The following BNC2 variants were observed in gnomAD, a reference collection of about 807,000 sequenced individuals.
BNC2 encodes basonuclin zinc finger protein 2, also known as zinc finger protein basonuclin-2.
BNC2 carries 20 observed loss-of-function variants against 76.3 expected under a neutral mutation model. The observed-to-expected ratio is 0.26, with a 90% confidence interval of 0.18 to 0.38. The LOEUF is 0.38. Among genes scored for constraint, BNC2 ranks in the 10% least tolerant of loss-of-function variants. The pLI, the probability that BNC2 is intolerant of heterozygous loss-of-function variation, is 1.00. For synonymous variants in BNC2, 582 were observed against 514.8 expected (o/e 1.13, Z -1.77); for missense variants, 1,382 against 1,399.8 (o/e 0.99, Z 0.20).
intron 1 of BNC2, among the ~76,000 whole-genome samples, chr9:16,746,363 TTTTG>T (rs1337506651): frequency 1.3e-5 from 2 of 151,982 alleles, no homozygotes; most frequent in African/African-American, 4.8e-5. Flanking sequence ...CGTTTTTGTT[TTTTG>T]TTTGTTTGCT....
At chr9:16,612,558 A>T (rs1464068417) in intron 3 of BNC2, among the ~76,000 whole-genome samples, 1 of 152,224 alleles carries the variant, frequency 6.6e-6, no homozygotes, top group Non-Finnish European at 1.5e-5. Context: ...TTGTGGCCCC[A>T]TCAATTCAAT....
At chr9:16,760,852 AAAT>A (rs1442504732) in intron 1 of BNC2, among the ~76,000 whole-genome samples, 5 of 152,186 alleles carry the variant, frequency 3.3e-5, no homozygotes, top group Admixed American at 3.3e-4. Context: ...ACAGGGGAAA[AAAT>A]AATGAGTGCT....
intron 2 of BNC2, among the ~76,000 whole-genome samples, chr9:16,737,816 T>C (rs1167600956): frequency 6.6e-6 from 1 of 152,124 alleles, no homozygotes; most frequent in Non-Finnish European, 1.5e-5. Context: ...GTGATTGGCT[T>C]TGATGGAGAA....
intron 1 of BNC2, among the ~76,000 whole-genome samples, chr9:16,824,049 A>G (rs1818399698): frequency 6.6e-6 from 1 of 152,228 alleles, no homozygotes; most frequent in South Asian, 2.1e-4. Flanking sequence ...GTGAGAATCT[A>G]AAACTAATTC....
intron 1 of BNC2, among the ~76,000 whole-genome samples, chr9:16,836,185 G>A (rs1302478958): frequency 1.3e-5 from 2 of 152,138 alleles, no homozygotes; most frequent in South Asian, 2.1e-4. Context: ...GAAGACCAAC[G>A]GCATGGCTTC....
chr9:16,735,874 A>C (rs1824652399), intron 2 of BNC2, among the ~76,000 whole-genome samples: 1 of 152,078 alleles, frequency 6.6e-6, no homozygotes, highest in African/African-American at 2.4e-5. Flanking sequence ...GCCTCAGTAA[A>C]GGTGTCATAA....
chr9:16,869,343 C>T (rs989205224), intron 1 of BNC2, among the ~76,000 whole-genome samples: 2 of 152,110 alleles, frequency 1.3e-5, no homozygotes, highest in African/African-American at 4.8e-5. Context: ...CATCATAAAT[C>T]GCACGCTGCT....
intron 4 of BNC2, among the ~76,000 whole-genome samples, chr9:16,574,863 C>T (rs1587189786): frequency 6.6e-6 from 1 of 152,124 alleles, no homozygotes; most frequent in African/African-American, 2.4e-5. Context: ...CCGAATTTCT[C>T]GATGAAATAA....
intron 3 of BNC2, among the ~76,000 whole-genome samples, chr9:16,649,694 G>A (rs1821738322): frequency 6.6e-6 from 1 of 152,100 alleles, no homozygotes; most frequent in Non-Finnish European, 1.5e-5. Context: ...ATAAGAGAAA[G>A]GCATCTATTT....
intron 1 of BNC2, among the ~76,000 whole-genome samples, chr9:16,809,024 T>C (rs2135823358): frequency 6.6e-6 from 1 of 152,300 alleles, no homozygotes; most frequent in South Asian, 2.1e-4. Context: ...AACAGCTCAT[T>C]CACAGACTTG....
chr9:16,845,217 C>A (rs938494615), intron 1 of BNC2, among the ~76,000 whole-genome samples: 1 of 152,132 alleles, frequency 6.6e-6, no homozygotes, highest in Non-Finnish European at 1.5e-5. Context: ...ATTCTTAAAA[C>A]CAAACATACC....
intron 3 of BNC2, among the ~76,000 whole-genome samples, chr9:16,595,566 T>C (rs974075882): frequency 6.6e-6 from 1 of 152,130 alleles, no homozygotes; most frequent in Non-Finnish European, 1.5e-5. Context: ...ACAAATACAA[T>C]GTTACCATTT....
At chr9:16,856,359 G>A (rs951892761) in intron 1 of BNC2, among the ~76,000 whole-genome samples, 3 of 152,048 alleles carry the variant, frequency 2.0e-5, no homozygotes, top group East Asian at 1.9e-4. Flanking sequence ...TCATGTCAGC[G>A]ACTGGTTGCT....
chr9:16,425,993 G>T (rs1301551517), intron 6 of BNC2, among the ~76,000 whole-genome samples: 1 of 152,212 alleles, frequency 6.6e-6, no homozygotes, highest in Non-Finnish European at 1.5e-5. Context: ...TTATTCAATA[G>T]GTACCTGTTG....
intron 1 of BNC2, among the ~76,000 whole-genome samples, chr9:16,829,034 A>G (rs1329372439): frequency 1.3e-5 from 2 of 152,148 alleles, no homozygotes; most frequent in Non-Finnish European, 2.9e-5. Context: ...GAGGCGAGCC[A>G]GGAGCCGGCA....
chr9:16,791,265 G>A (rs1303735559), intron 1 of BNC2, among the ~76,000 whole-genome samples: 3 of 152,016 alleles, frequency 2.0e-5, no homozygotes, highest in African/African-American at 4.8e-5. Context: ...GTTTCACCAT[G>A]TTAGCCAGGA....
intron 3 of BNC2, among the ~76,000 whole-genome samples, chr9:16,686,313 C>A (rs1822976950): frequency 1.3e-5 from 2 of 152,094 alleles, no homozygotes; most frequent in Admixed American, 6.5e-5. Context: ...CCACTAAGAT[C>A]CCTTTTTAAA....
At chr9:16,540,689 T>A (rs1361457922) in intron 5 of BNC2, among the ~76,000 whole-genome samples, 1 of 152,188 alleles carries the variant, frequency 6.6e-6, no homozygotes, top group Non-Finnish European at 1.5e-5. Context: ...AAAGGAGGCT[T>A]CAGTAAGTCG....
intron 4 of BNC2, among the ~76,000 whole-genome samples, chr9:16,579,259 T>C (rs1458325612): frequency 6.6e-6 from 1 of 151,428 alleles, no homozygotes; most frequent in Non-Finnish European, 1.5e-5. Context: ...TGCAGTATAA[T>C]GAATTAATCA....
Sources: gnomAD v4.1 joint callset for allele counts (sites outside exome capture counted in the v4.1 genomes callset) on GRCh38, gnomAD v4.1.1 for gene constraint, MANE v1.5 for transcripts, NCBI Gene and HGNC (gene_info 2026-07-23, HGNC 2026-07-21) for gene names.